The following BBS9 variants were observed in gnomAD, a reference collection of about 807,000 sequenced individuals.
The protein encoded by BBS9 is protein PTHB1.
BBS9 carries 89 observed loss-of-function variants against 117.7 expected under a neutral mutation model. The ratio of observed to expected loss-of-function variants is 0.76; its 90% CI spans 0.64 to 0.90. The LOEUF is 0.90. Ranked by LOEUF, BBS9 falls within the 40% of genes least tolerant of loss-of-function variation. The pLI, the probability that BBS9 is intolerant of heterozygous loss-of-function variation, is 0.00. For synonymous variants in BBS9, 379 were observed against 370.9 expected (o/e 1.02, Z -0.25); for missense variants, 982 against 1,042.2 (o/e 0.94, Z 0.80).
chr7:33,626,856 A>G (rs1012334229), intron 21 of BBS9, among the ~76,000 whole-genome samples: 2 of 152,216 alleles, frequency 1.3e-5, no homozygotes, highest in African/African-American at 4.8e-5. Flanking sequence ...GATGTCCTGA[A>G]ACTAGAACTT....
At chr7:33,149,466 A>C (rs1792959687) in intron 2 of BBS9, among the ~76,000 whole-genome samples, 1 of 152,222 alleles carries the variant, frequency 6.6e-6, no homozygotes, top group Non-Finnish European at 1.5e-5. Flanking sequence ...TAATCTTGAT[A>C]GTACAATTGA....
At chr7:33,425,686 T>A (rs1035298769) in intron 19 of BBS9, among the ~76,000 whole-genome samples, 1 of 152,224 alleles carries the variant, frequency 6.6e-6, no homozygotes, top group Non-Finnish European at 1.5e-5. Flanking sequence ...GGCGCTGTTA[T>A]GAGAGGAGTT....
intron 11 of BBS9, 36 bp downstream of exon 11, chr7:33,341,009 G>A: frequency 6.3e-7 from 1 of 1,575,536 alleles, no homozygotes; most frequent in Non-Finnish European, 8.7e-7. Context: ...GGGTTTATAA[G>A]AGTGGTAAAC....
chr7:33,542,790 T>TACAC lies in BBS9; in HGVS notation c.2521+8660_2521+8663dup, dbSNP rs368494839. Among the ~76,000 whole-genome samples the TACAC allele has an allele frequency of 2.8e-3, 373 of 134,364 alleles. 1 individual carries two copies. Among genetic ancestry groups the TACAC allele is most frequent in the Non-Finnish European group, 4.1e-3 (258 of 62,184 alleles). The allele number at this position is 134,364 out of a possible 152,430, so 88.1% of individuals were successfully genotyped here. A position where few individuals can be genotyped will look rare whatever the true frequency, so the allele number is the denominator to read the frequency against. ...ATATGTGAGTATATATATATATATG[T>TACAC]ACACACACACACACACACACACACA... On this transcript the variant is annotated intron_variant, in intron 21 of 22. Coordinates refer to ENST00000242067, the MANE Select transcript of BBS9 (RefSeq NM_198428.3).
intron 9 of BBS9, among the ~76,000 whole-genome samples, chr7:33,320,885 A>G (rs1811572087): frequency 6.6e-6 from 1 of 152,074 alleles, no homozygotes; most frequent in Admixed American, 6.5e-5. Context: ...TCAGTCTTTA[A>G]TCCATTTTGA....
intron 20 of BBS9, among the ~76,000 whole-genome samples, chr7:33,520,308 G>A (rs542027429): frequency 6.6e-5 from 10 of 152,208 alleles, no homozygotes; most frequent in Middle Eastern, 3.4e-3. Context: ...CACTGTGCCC[G>A]GCCCCAAAAT....
intron 21 of BBS9, among the ~76,000 whole-genome samples, chr7:33,538,735 G>A (rs1303922443): frequency 1.0e-4 from 15 of 150,412 alleles, no homozygotes; most frequent in Non-Finnish European, 1.9e-4. Flanking sequence ...TTCTGAGCCT[G>A]TTTTTCCTAC....
intron 19 of BBS9, among the ~76,000 whole-genome samples, chr7:33,430,682 A>G (rs928109635): frequency 7.9e-5 from 12 of 152,220 alleles, no homozygotes; most frequent in African/African-American, 2.9e-4. Flanking sequence ...GATTTAAAAT[A>G]TGATAAAATC....
intron 19 of BBS9, among the ~76,000 whole-genome samples, chr7:33,399,004 A>G (rs532301987): frequency 2.3e-3 from 355 of 152,358 alleles, no homozygotes; most frequent in Non-Finnish European, 4.1e-3. Context: ...TTAACTCTAT[A>G]TATTCAATAT....
intron 21 of BBS9, among the ~76,000 whole-genome samples, chr7:33,628,036 T>G (rs998961556): frequency 6.6e-6 from 1 of 152,114 alleles, no homozygotes; most frequent in Non-Finnish European, 1.5e-5. Flanking sequence ...AAAATTAAAC[T>G]TGTAATTTAA....
At chr7:33,276,974 C>A in intron 9 of BBS9, 1 of 238,948 alleles carries the variant, frequency 4.2e-6, no homozygotes. Flanking sequence ...CAGAAGGGGT[C>A]TGTGGTGGTG....
intron 21 of BBS9, among the ~76,000 whole-genome samples, chr7:33,616,649 T>C (rs957428526): frequency 1.3e-5 from 2 of 151,544 alleles, no homozygotes; most frequent in African/African-American, 4.8e-5. Flanking sequence ...ATATGATAGA[T>C]CTTAATCCAG....
At chr7:33,575,191 T>C (rs1390048503) in intron 21 of BBS9, among the ~76,000 whole-genome samples, 2 of 152,164 alleles carry the variant, frequency 1.3e-5, no homozygotes, top group East Asian at 3.9e-4. Context: ...GAATTGATGC[T>C]GCATGCTCTT....
At chr7:33,624,275 C>G (rs1487286134) in intron 21 of BBS9, among the ~76,000 whole-genome samples, 1 of 152,024 alleles carries the variant, frequency 6.6e-6, no homozygotes, top group Non-Finnish European at 1.5e-5. Flanking sequence ...CTATAAATAC[C>G]TATCCTTGTC....
chr7:33,535,667 T>G (rs181108455), intron 21 of BBS9, among the ~76,000 whole-genome samples: 1 of 152,328 alleles, frequency 6.6e-6, no homozygotes, highest in Non-Finnish European at 1.5e-5. Flanking sequence ...TAAGAGATAT[T>G]TAGGCTTAAT....
intron 19 of BBS9, among the ~76,000 whole-genome samples, chr7:33,403,311 T>A (rs141959986): frequency 0.012 from 1,763 of 151,516 alleles, 28 homozygotes; most frequent in African/African-American, 0.041. Context: ...TACTTTATTT[T>A]TTTTTATTTT....
chr7:33,492,087 C>T (rs1386213325), intron 19 of BBS9, among the ~76,000 whole-genome samples: 3 of 151,028 alleles, frequency 2.0e-5, no homozygotes, highest in African/African-American at 7.3e-5. Context: ...CCTATAATCC[C>T]AGCTACTCAG....
chr7:33,464,265 A>G (rs1584920366), intron 19 of BBS9, among the ~76,000 whole-genome samples: 2 of 152,156 alleles, frequency 1.3e-5, no homozygotes, highest in Non-Finnish European at 2.9e-5. Flanking sequence ...TGAGGGAACT[A>G]TTTTTTGGTA....
intron 21 of BBS9, among the ~76,000 whole-genome samples, chr7:33,556,631 T>C (rs539545095): frequency 6.6e-6 from 1 of 152,312 alleles, no homozygotes; most frequent in South Asian, 2.1e-4. Context: ...GGTGGCATAA[T>C]GGGATGACAT....
Sources: gnomAD v4.1 joint callset for allele counts (sites outside exome capture counted in the v4.1 genomes callset) on GRCh38, gnomAD v4.1.1 for gene constraint, MANE v1.5 for transcripts, NCBI Gene and HGNC (gene_info 2026-07-23, HGNC 2026-07-21) for gene names.